The following ACSS3 variants were observed in gnomAD, a reference collection of about 807,000 sequenced individuals.
ACSS3 encodes the protein acyl-CoA synthetase short-chain family member 3, mitochondrial.
ACSS3 carries 64 observed loss-of-function variants against 84.2 expected under a neutral mutation model. The observed-to-expected ratio is 0.76, with a 90% CI of 0.62 to 0.94. ACSS3 has a LOEUF of 0.94. ACSS3 is among the 40% of genes least tolerant of loss of function. The probability of loss-of-function intolerance (pLI) is 0.00; values close to 1 mark genes in which losing one functional copy is unlikely to be tolerated. For synonymous variants in ACSS3, 317 were observed against 310.1 expected, an observed-to-expected ratio of 1.02 and a Z score of -0.23; for missense variants, 815 against 867.6, an observed-to-expected ratio of 0.94 and a Z score of 0.76.
chr12:81,140,393 A>C (rs1222081857), intron 4 of ACSS3, among the ~76,000 whole-genome samples: 2 of 150,636 alleles, frequency 1.3e-5, no homozygotes, highest in African/African-American at 4.9e-5. Flanking sequence ...AGCAGATTAA[A>C]TTTTTTTTTT....
chr12:81,150,556 G>A lies in ACSS3; in HGVS notation c.922-1288G>A, dbSNP rs531506129. Among the ~76,000 whole-genome samples, 9 of 152,298 alleles carry A rather than the reference G, an allele frequency of 5.9e-5. No homozygotes were observed. The South Asian group carries it at 1.7e-3, about 28-fold the overall frequency. ...TGGCAGGGGGCTTAGAATTTCTAAT[G>A]TTCCCATGGAGATCAACAGGGCCAG... On this transcript the variant is annotated intron_variant, in intron 5 of 15. Transcript: ENST00000548058.
chr12:81,228,259 G>A (rs1463400722), intron 11 of ACSS3, among the ~76,000 whole-genome samples: 1 of 151,788 alleles, frequency 6.6e-6, no homozygotes, highest in Non-Finnish European at 1.5e-5. Context: ...ATTTCAGGGG[G>A]TTCAAAAGAG....
chr12:81,165,217 G>C (rs10778795), intron 7 of ACSS3, among the ~76,000 whole-genome samples: 27,317 of 152,094 alleles, frequency 0.18, 2,782 homozygotes, highest in East Asian at 0.4. Flanking sequence ...TATTGTCATA[G>C]CTCCATCAAC....
At chr12:81,134,787 A>G in intron 2 of ACSS3, 29 bp from the exon 3 acceptor site, 1 of 1,462,736 alleles carries the variant, frequency 6.8e-7, no homozygotes, top group Middle Eastern at 1.8e-4. Context: ...TACAAAATAC[A>G]CTTTACTGAT....
At chr12:81,179,244 C>A (rs2135835166) in intron 8 of ACSS3, among the ~76,000 whole-genome samples, 2 of 99,398 alleles carry the variant, frequency 2.0e-5, no homozygotes, top group Non-Finnish European at 3.8e-5. Context: ...GCAAAGATTT[C>A]ATGATGAAGA....
chr12:81,245,172 T>C (rs1242573776), intron 13 of ACSS3, among the ~76,000 whole-genome samples: 1 of 152,100 alleles, frequency 6.6e-6, no homozygotes, highest in East Asian at 1.9e-4. Flanking sequence ...CCTCTTAAAA[T>C]AGGATGAGGG....
At chr12:81,130,687 C>T (rs951101745) in intron 2 of ACSS3, among the ~76,000 whole-genome samples, 2 of 152,152 alleles carry the variant, frequency 1.3e-5, no homozygotes, top group Non-Finnish European at 2.9e-5. Flanking sequence ...GTGTTTTAGT[C>T]ATGAAGTCCT....
intron 1 of ACSS3, among the ~76,000 whole-genome samples, chr12:81,103,613 CA>C (rs1473262827): frequency 6.6e-6 from 1 of 152,068 alleles, no homozygotes; most frequent in Non-Finnish European, 1.5e-5. Flanking sequence ...CTATCTCCTG[CA>C]GCAGTTCTGT....
In ACSS3 at chr12:81,214,574, T is replaced by C. The variant is rs898988498; in HGVS notation, c.1355-2327T>C. Among the ~76,000 whole-genome samples, 79 of 152,318 alleles carry C rather than the reference T, an allele frequency of 5.2e-4. 1 individual carries two copies. Among genetic ancestry groups the C allele is most frequent in the Middle Eastern group, 3.4e-3 (1 of 294 alleles). On this transcript the variant is annotated intron_variant, in intron 9 of 15. Coordinates refer to ENST00000548058, the MANE Select transcript of ACSS3 (RefSeq NM_024560.4). ...ATAAAGGTTATAAATAAATAATTAC[T>C]ATAGAAAGATGCTTGGGAATCTCAG...
chr12:81,170,239 A>G (rs980607354), intron 7 of ACSS3, among the ~76,000 whole-genome samples: 1 of 152,138 alleles, frequency 6.6e-6, no homozygotes, highest in African/African-American at 2.4e-5. Context: ...TCAGTAGCAA[A>G]TATGTGAGAA....
At chr12:81,163,711 T>C (rs1887265930) in intron 7 of ACSS3, among the ~76,000 whole-genome samples, 2 of 152,176 alleles carry the variant, frequency 1.3e-5, no homozygotes, top group Non-Finnish European at 2.9e-5. Context: ...ATCCTGATCC[T>C]GTGTAGGCCT....
At chr12:81,219,155 A>G (rs2033021879) in intron 10 of ACSS3, among the ~76,000 whole-genome samples, 1 of 152,156 alleles carries the variant, frequency 6.6e-6, no homozygotes, top group Non-Finnish European at 1.5e-5. Context: ...CCTGGGGCAT[A>G]TAGTGATTTG....
intron 1 of ACSS3, among the ~76,000 whole-genome samples, chr12:81,094,184 C>CTG (rs34746505): frequency 0.014 from 2,027 of 146,472 alleles, 19 homozygotes; most frequent in African/African-American, 0.032. Flanking sequence ...GTCTCTCTCT[C>CTG]TGTGTGTGTG....
chr12:81,223,449 CT>C (rs1389512819), intron 11 of ACSS3, among the ~76,000 whole-genome samples: 6 of 152,172 alleles, frequency 3.9e-5, no homozygotes, highest in Non-Finnish European at 8.8e-5. Flanking sequence ...TCTGGGTATC[CT>C]TTGAGTATAA....
chr12:81,133,325 C>T lies in ACSS3; in HGVS notation c.457-1491C>T, dbSNP rs540418667. ...TTTCTTCTCCCAAGCCTCCTCTGTTCATTGTGTTGGACAGTCACATTCAAA... is the reference window on the plus strand; with the variant it reads ...TTTCTTCTCCCAAGCCTCCTCTGTTTATTGTGTTGGACAGTCACATTCAAA... On this transcript the variant is annotated intron_variant, in intron 2 of 15. Coordinates refer to ENST00000548058, the MANE Select transcript of ACSS3 (RefSeq NM_024560.4). Among the ~76,000 whole-genome samples, 7 of 152,268 alleles carry T rather than the reference C, an allele frequency of 4.6e-5. No individual in the cohort carries two copies. The South Asian group carries it at 1.5e-3, about 32-fold the overall frequency.
chr12:81,106,281 G>C (rs970891874), intron 1 of ACSS3, among the ~76,000 whole-genome samples: 2 of 152,128 alleles, frequency 1.3e-5, no homozygotes, highest in African/African-American at 4.8e-5. Flanking sequence ...AAGCCATATT[G>C]TGAACTGCAC....
intron 2 of ACSS3, among the ~76,000 whole-genome samples, chr12:81,121,915 A>ATAT (rs10527532): frequency 0.081 from 11,859 of 146,016 alleles, 557 homozygotes; most frequent in South Asian, 0.14. Context: ...AGAGTATGCT[A>ATAT]TATTATTATT....
At chr12:81,149,010 G>A (rs1886483732) in intron 5 of ACSS3, among the ~76,000 whole-genome samples, 2 of 151,930 alleles carry the variant, frequency 1.3e-5, no homozygotes, top group Non-Finnish European at 2.9e-5. Flanking sequence ...AACCTGGGAG[G>A]CGGAGGTTGT....
At chr12:81,133,853 A>G (rs948876368) in intron 2 of ACSS3, among the ~76,000 whole-genome samples, 1 of 152,136 alleles carries the variant, frequency 6.6e-6, no homozygotes, top group Non-Finnish European at 1.5e-5. Context: ...TCTGACATAT[A>G]ATAGATACTT....
Sources: allele counts gnomAD v4.1 joint callset (sites outside exome capture counted in the v4.1 genomes callset), GRCh38; gene constraint gnomAD v4.1.1; transcripts MANE v1.5; gene names NCBI Gene and HGNC (gene_info 2026-07-23, HGNC 2026-07-21).